HERC1: variants seen among roughly 807,000 people sequenced by gnomAD.
HERC1 encodes probable E3 ubiquitin-protein ligase HERC1.
HERC1 carries 160 observed loss-of-function variants against 554.3 expected under a neutral mutation model. The observed-to-expected ratio is 0.29, with a 90% CI of 0.25 to 0.33. The LOEUF is 0.33. Ranked by LOEUF, HERC1 falls within the 10% of genes least tolerant of loss-of-function variation. The pLI is 1.00. For missense variants in HERC1, 4,919 were observed against 5,918.5 expected, an observed-to-expected ratio of 0.83 and a Z score of 5.54; for synonymous variants, 2,175 against 2,131.7, an observed-to-expected ratio of 1.02 and a Z score of -0.56.
chr15:63,833,699 C>A (rs2146280152), intron 1 of HERC1, 128 bp downstream of exon 1: 1 of 152,542 alleles, frequency 6.6e-6, no homozygotes, highest in Admixed American at 6.5e-5. Flanking sequence ...CGGCTGCAGT[C>A]CCGAAACGGC....
intron 1 of HERC1, among the ~76,000 whole-genome samples, chr15:63,786,820 C>T (rs2076463065): frequency 6.6e-6 from 1 of 151,922 alleles, no homozygotes; most frequent in Non-Finnish European, 1.5e-5. Flanking sequence ...GAACTAGAGA[C>T]GGTAGTTGCA....
Position 63,665,924 on chromosome 15 carries a change from A to C in HERC1, c.8550T>G (p.Ser2850Arg). Reference sequence around the variant, plus strand: ...TACAGAAACTGGAATTTCACCTTTCACTAAAACCTTCCTCCATTTCAGCAG... The same window carrying C: ...TACAGAAACTGGAATTTCACCTTTCCCTAAAACCTTCCTCCATTTCAGCAG... The part of the protein sequence containing the change: ...ADAAEMEEGF[S>R]ESPDNLDHTE... The change falls in exon 42 of 78, where the codon AGT becomes AGG. Residue 2850 changes from serine (S) to arginine (R), a missense_variant. Ser to Arg is a moderately radical substitution (Grantham distance 110). This residue lies in a region of HERC1 where 1,963 missense variants were observed against 2,228.6 expected (regional missense o/e 0.88). Coordinates refer to ENST00000443617, the MANE Select transcript of HERC1 (RefSeq NM_003922.4). 1.2e-6 allele frequency: 2 copies of C among 1,611,388 alleles called. No individual in the cohort carries two copies. Among genetic ancestry groups the C allele is most frequent in the South Asian group, 2.2e-5 (2 of 90,974 alleles).
chr15:63,628,664 T>C lies in HERC1; in HGVS notation c.13105+13A>G. 6.2e-7 allele frequency: 1 copy of C among 1,602,644 alleles called. No individual in the cohort carries two copies. Reference sequence around the variant, plus strand: ...AAGAAACGCTGCAGGAGCATGAATATTTCATTCCTCACCTGGTGCTCTTGG... The same window carrying C: ...AAGAAACGCTGCAGGAGCATGAATACTTCATTCCTCACCTGGTGCTCTTGG... On this transcript the variant is annotated intron_variant, in intron 70 of 77. Coordinates refer to ENST00000443617, the MANE Select transcript of HERC1 (RefSeq NM_003922.4).
At chr15:63,809,603 T>A (rs929870578) in intron 1 of HERC1, among the ~76,000 whole-genome samples, 1 of 152,044 alleles carries the variant, frequency 6.6e-6, no homozygotes. Flanking sequence ...AGTTGAGAAA[T>A]ATGGGCCTAA....
rs1308497671 is a variant in HERC1, at chr15:63,630,587, G to A, written c.12845C>T (p.Pro4282Leu). The A allele has an allele frequency of 2.5e-6, 4 of 1,613,796 alleles. No homozygotes were observed. The South Asian group carries it at 3.3e-5, about 13-fold the overall frequency. ...TCCAGCCAGGACAGGGATTTGTTGC[G>A]GTCGATTGTGATTGCGAGCACGCCC... Reference protein sequence around the residue: ...PEGRARNHNRPQQIPVLAGVI... With the variant: ...PEGRARNHNRLQQIPVLAGVI... Residue 4282 changes from proline (P) to leucine (L), a missense_variant, in exon 69 of 78, where the codon CCG becomes CTG. Physicochemically the swap from Pro to Leu is moderately conservative, Grantham distance 98 (BLOSUM62 -3). Around this residue, in one of 11 missense-constraint regions of HERC1, gnomAD observed 410 missense variants for 467.0 expected, o/e 0.88. Coordinates refer to ENST00000443617, the MANE Select transcript of HERC1 (RefSeq NM_003922.4).
chr15:63,627,947 T>C (rs912132092), intron 70 of HERC1, among the ~76,000 whole-genome samples: 1 of 152,344 alleles, frequency 6.6e-6, no homozygotes, highest in East Asian at 1.9e-4. Flanking sequence ...AGGAATAAAA[T>C]GGCAGCAAGT....
chr15:63,639,627 A>T (rs1217458286), intron 61 of HERC1, among the ~76,000 whole-genome samples: 2 of 152,242 alleles, frequency 1.3e-5, no homozygotes, highest in African/African-American at 4.8e-5. Flanking sequence ...GTATACAAAG[A>T]GGTTGTTAGA....
Position 63,756,395 on chromosome 15 carries a change from A to G in HERC1, c.1533+42T>C, listed in dbSNP as rs371099070. On this transcript the variant is annotated intron_variant, in intron 5 of 77. Coordinates refer to ENST00000443617, the MANE Select transcript of HERC1 (RefSeq NM_003922.4). This position sits in a 1 kb window ranked among gnomAD's most constrained non-coding sequence, Gnocchi z 5.0. ...GAACGACATTGTCAATTACAACTCC[A>G]ATGCATCTAATTATTTTTATAACCA... 576 of 1,472,150 alleles carry G rather than the reference A, an allele frequency of 3.9e-4. 1 individual carries two copies. The highest frequency in any genetic ancestry group is 4.9e-4 in the Non-Finnish European group (524 of 1,073,546). The allele number at this position is 1,472,150 out of a possible 1,614,324, so 91.2% of individuals were successfully genotyped here.
chr15:63,726,276 C>T (rs972405365), intron 17 of HERC1, among the ~76,000 whole-genome samples: 3 of 152,134 alleles, frequency 2.0e-5, no homozygotes, highest in Non-Finnish European at 4.4e-5. Flanking sequence ...GCCATCATGC[C>T]GGGCCCAGAT....
chr15:63,661,813 C>T lies in HERC1; in HGVS notation c.9110G>A (p.Gly3037Asp), dbSNP rs2070374482. 2 of 1,613,982 alleles carry T rather than the reference C, an allele frequency of 1.2e-6. No homozygotes were observed. Among genetic ancestry groups the T allele is most frequent in the Non-Finnish European group, 1.7e-6 (2 of 1,179,862 alleles). The part of the protein sequence containing the change: ...GSGNPYYLLC[G>D]TCREKYLAMK... ...GGCTAAGTACTTCTCCCTGCAGGTG[C>T]CACATAACAGGTAGTACGGATTTCC... Residue 3037 changes from glycine (G) to aspartate (D), a missense_variant, in exon 45 of 78, where the codon GGC (glycine) becomes GAC (aspartate). Coordinates refer to ENST00000443617, the MANE Select transcript of HERC1 (RefSeq NM_003922.4).
At position 63,694,593 on chromosome 15, in the gene HERC1, A is replaced by C. The variant is rs747952028; in HGVS notation, c.5243-44T>G. On this transcript the variant is annotated intron_variant, in intron 28 of 77. Coordinates refer to ENST00000443617, the MANE Select transcript of HERC1 (RefSeq NM_003922.4). The surrounding 1 kb of genome is among the most constrained non-coding windows in gnomAD (Gnocchi z 4.3). ...GTTAAGAATCTTCCTTTCAGTAAAC[A>C]AAGCATTTATTAAAATGAATAATTT... The C allele has an allele frequency of 6.5e-7, 1 of 1,529,108 alleles. No homozygotes were observed. Among genetic ancestry groups the C allele is most frequent in the Admixed American group, 1.7e-5 (1 of 57,798 alleles). 94.7% of individuals were successfully genotyped at this position (1,529,108 alleles called of 1,614,324 possible). A position where few individuals can be genotyped will look rare whatever the true frequency, so the allele number is the denominator to read the frequency against.
chr15:63,817,237 T>A (rs2077522269), intron 1 of HERC1, among the ~76,000 whole-genome samples: 2 of 151,958 alleles, frequency 1.3e-5, no homozygotes, highest in African/African-American at 4.9e-5. Flanking sequence ...GATCTATATC[T>A]ATCTATAAAC....
rs369983037 is a variant in HERC1 at position 63,622,840 on chromosome 15, C to T, written c.13663G>A (p.Ala4555Thr). 3.8e-5 allele frequency: 61 copies of T among 1,606,806 alleles called. No individual in the cohort carries two copies. Among genetic ancestry groups the T allele is most frequent in the Middle Eastern group, 1.6e-4 (1 of 6,076 alleles). The change falls in exon 74 of 78, where the codon GCA (alanine) becomes ACA (threonine). Residue 4555 changes from alanine to threonine, a missense_variant. Ala to Thr is a moderately conservative substitution (Grantham distance 58). Transcript: ENST00000443617. ...DLLIPSPNAT[A>T]EVGYNRDRFL... ...CTGTCCCTATTGTAACCCACTTCTG[C>T]GGTGGCATTGGGAGAGGGTATAAGA... is the stretch of plus-strand genomic sequence containing the variant.
At chr15:63,657,736 C>T (rs180998588) in intron 48 of HERC1, among the ~76,000 whole-genome samples, 1 of 152,260 alleles carries the variant, frequency 6.6e-6, no homozygotes, top group East Asian at 1.9e-4. Flanking sequence ...ATGTTACCTT[C>T]AATAAACTTT....
intron 22 of HERC1, among the ~76,000 whole-genome samples, chr15:63,714,376 G>A (rs1346193457): frequency 6.6e-6 from 1 of 152,088 alleles, no homozygotes. Context: ...TATGGGGCAA[G>A]ATTGCCTCCA....
chr15:63,807,866 T>C (rs958015503), intron 1 of HERC1, among the ~76,000 whole-genome samples: 1 of 152,064 alleles, frequency 6.6e-6, no homozygotes, highest in African/African-American at 2.4e-5. Flanking sequence ...CAGTTACTAA[T>C]TCAAATCCTA....
chr15:63,763,996 G>T (rs1596189330), intron 3 of HERC1, 100 bp downstream of exon 3: 29 of 405,494 alleles, frequency 7.2e-5, no homozygotes, highest in East Asian at 3.7e-4. Context: ...ACTTCCTTTT[G>T]TAGCTTTTCC....
chr15:63,706,175 T>C (rs773848436), intron 25 of HERC1, among the ~76,000 whole-genome samples: 1 of 152,126 alleles, frequency 6.6e-6, no homozygotes, highest in Non-Finnish European at 1.5e-5. Context: ...TTAACTATAC[T>C]ATTCATTAAC....
intron 25 of HERC1, among the ~76,000 whole-genome samples, chr15:63,700,408 C>T (rs2072652160): frequency 6.6e-6 from 1 of 151,690 alleles, no homozygotes; most frequent in Non-Finnish European, 1.5e-5. Context: ...GGGAAGATAA[C>T]TACTTAAACA....
Sources: gnomAD v4.1 joint callset for allele counts (sites outside exome capture counted in the v4.1 genomes callset) on GRCh38, gnomAD v4.1.1 for gene constraint, gnomAD v4.1.1 regional missense constraint, Gnocchi (gnomAD v3.1) non-coding constraint, MANE v1.5 for transcripts, NCBI Gene and HGNC (gene_info 2026-07-23, HGNC 2026-07-21) for gene names.